Variants in GRID2 observed in about 807,000 individuals in gnomAD.
The protein encoded by GRID2 is glutamate ionotropic receptor delta type subunit 2.
In GRID2, 33 loss-of-function variants were observed where a neutral mutation model predicts 114.8. That is an observed-to-expected ratio of 0.29 (90% CI 0.22 to 0.38). The LOEUF is 0.38. Among genes scored for constraint, GRID2 ranks in the 10% least tolerant of loss-of-function variants. The pLI, the probability that GRID2 is intolerant of heterozygous loss-of-function variation, is 1.00. For synonymous variants in GRID2, 505 were observed against 449.9 expected (o/e 1.12, Z -1.55); for missense variants, 1,184 against 1,257.7 (o/e 0.94, Z 0.89).
intron 2 of GRID2, among the ~76,000 whole-genome samples, chr4:92,890,442 G>C (rs2149468573): frequency 6.6e-6 from 1 of 152,212 alleles, no homozygotes; most frequent in South Asian, 2.1e-4. Flanking sequence ...CCATTGAAAA[G>C]TGGGTGAAGG....
At chr4:93,442,237 A>C (rs1721689630) in intron 10 of GRID2, among the ~76,000 whole-genome samples, 1 of 152,024 alleles carries the variant, frequency 6.6e-6, no homozygotes, top group African/African-American at 2.4e-5. Flanking sequence ...TTTGCATTTG[A>C]CTGAAATGTG....
intron 8 of GRID2, among the ~76,000 whole-genome samples, chr4:93,279,177 A>G (rs1219169542): frequency 1.3e-5 from 2 of 151,784 alleles, no homozygotes; most frequent in African/African-American, 2.4e-5. Flanking sequence ...ATGTTTAAGT[A>G]TATGGCATCT....
At chr4:92,817,738 G>A (rs1394015559) in intron 2 of GRID2, among the ~76,000 whole-genome samples, 2 of 148,836 alleles carry the variant, frequency 1.3e-5, no homozygotes, top group Admixed American at 6.7e-5. Context: ...TCACTATATT[G>A]CCCATGCTAG....
At chr4:93,547,243 T>G (rs114282774) in intron 13 of GRID2, among the ~76,000 whole-genome samples, 1,726 of 152,276 alleles carry the variant, frequency 0.011, 21 homozygotes, top group African/African-American at 0.039. Context: ...ACAAAAATAT[T>G]TTTTTCCTAG....
At chr4:93,590,619 G>A (rs1738150326) in intron 13 of GRID2, among the ~76,000 whole-genome samples, 1 of 152,110 alleles carries the variant, frequency 6.6e-6, no homozygotes, top group Admixed American at 6.5e-5. Context: ...GATGGGGATA[G>A]CATTGAATCT....
chr4:92,417,931 G>T (rs1279053340), intron 1 of GRID2, among the ~76,000 whole-genome samples: 2 of 152,144 alleles, frequency 1.3e-5, no homozygotes, highest in Non-Finnish European at 1.5e-5. Context: ...CACTATGTAA[G>T]ATGTGACTTT....
intron 2 of GRID2, among the ~76,000 whole-genome samples, chr4:92,648,985 A>G (rs1395140377): frequency 7.7e-6 from 1 of 130,662 alleles, no homozygotes; most frequent in Admixed American, 7.7e-5. Context: ...ATATGTAGAA[A>G]TTATTTCAGT....
intron 6 of GRID2, among the ~76,000 whole-genome samples, chr4:93,217,603 A>AG (rs1435673420): frequency 7.9e-5 from 12 of 151,890 alleles, no homozygotes; most frequent in African/African-American, 2.9e-4. Flanking sequence ...GTCAATCTGA[A>AG]GGGGGTGTTA....
At chr4:92,544,929 C>A in intron 1 of GRID2, among the ~76,000 whole-genome samples, 1 of 151,642 alleles carries the variant, frequency 6.6e-6, no homozygotes, top group East Asian at 1.9e-4. Context: ...GGTAATGAGC[C>A]CAGAAATTAT....
At chr4:92,911,155 A>G (rs536583223) in intron 2 of GRID2, among the ~76,000 whole-genome samples, 4 of 152,148 alleles carry the variant, frequency 2.6e-5, no homozygotes, top group African/African-American at 9.6e-5. Context: ...TTAACTGCCC[A>G]CCATGTGCCG....
chr4:93,656,098 A>G (rs1722967308), intron 14 of GRID2, among the ~76,000 whole-genome samples: 1 of 151,842 alleles, frequency 6.6e-6, no homozygotes, highest in Non-Finnish European at 1.5e-5. Flanking sequence ...AGTTTAAAAC[A>G]TTAACAATTT....
At chr4:93,163,513 C>T (rs1233586024) in intron 4 of GRID2, among the ~76,000 whole-genome samples, 2 of 149,088 alleles carry the variant, frequency 1.3e-5, no homozygotes, top group Non-Finnish European at 3.0e-5. Flanking sequence ...ATCTTCCCAC[C>T]TCAGTCTTCC....
Position 93,110,818 on chromosome 4 carries a change from A to G in GRID2, c.600A>G (p.Val200=), listed in dbSNP as rs1307378073. 1.9e-6 allele frequency: 3 copies of G among 1,611,522 alleles called. No individual in the cohort carries two copies. The highest frequency in any genetic ancestry group is 3.3e-5 in the Admixed American group (2 of 60,002). ...GAATGGATGTTGCACTTCAGAAGGT[A>G]GAAAACAACATCAATAAAATGATTA... ...QQGMDVALQK[V]ENNINKMITT... The change falls in exon 4 of 16, where the codon GTA becomes GTG. Residue 200 remains valine (V), a synonymous_variant. Transcript: ENST00000282020.
chr4:93,629,620 G>A (rs1029049157), intron 14 of GRID2, among the ~76,000 whole-genome samples: 12 of 152,024 alleles, frequency 7.9e-5, no homozygotes, highest in African/African-American at 2.2e-4. Flanking sequence ...ATCAGCATCC[G>A]GGGCCATTGA....
intron 2 of GRID2, among the ~76,000 whole-genome samples, chr4:92,596,713 C>G (rs1728971928): frequency 6.6e-6 from 1 of 151,296 alleles, no homozygotes; most frequent in South Asian, 2.1e-4. Context: ...AAAAACAGCT[C>G]ACACAAACCT....
chr4:93,109,761 A>G (rs1261856218), intron 3 of GRID2, among the ~76,000 whole-genome samples: 1 of 152,160 alleles, frequency 6.6e-6, no homozygotes, highest in African/African-American at 2.4e-5. Context: ...TTAAGATTAT[A>G]GCATAATCTA....
chr4:92,845,341 A>C (rs899528058), intron 2 of GRID2, among the ~76,000 whole-genome samples: 6 of 152,106 alleles, frequency 3.9e-5, no homozygotes, highest in African/African-American at 1.4e-4. Flanking sequence ...TGAGTTCCTT[A>C]AGATATAGCA....
chr4:92,658,587 C>G (rs922566201), intron 2 of GRID2, among the ~76,000 whole-genome samples: 1 of 151,548 alleles, frequency 6.6e-6, no homozygotes, highest in Non-Finnish European at 1.5e-5. Flanking sequence ...AGAGAGAAGA[C>G]AGACATTTTC....
intron 2 of GRID2, among the ~76,000 whole-genome samples, chr4:92,673,015 T>C (rs2149277590): frequency 6.6e-6 from 1 of 152,294 alleles, no homozygotes; most frequent in East Asian, 1.9e-4. Context: ...TTTACTCTCT[T>C]ATCTTCGTAA....
Sources: allele counts gnomAD v4.1 joint callset (sites outside exome capture counted in the v4.1 genomes callset), GRCh38; gene constraint gnomAD v4.1.1; transcripts MANE v1.5; gene names NCBI Gene and HGNC (gene_info 2026-07-23, HGNC 2026-07-21).